Variants in CREB1 observed in about 807,000 individuals in gnomAD.
CREB1 encodes cyclic AMP-responsive element-binding protein 1.
In CREB1, 2 loss-of-function variants were observed where a neutral mutation model predicts 42.0. That is an observed-to-expected ratio of 0.05 (90% CI 0.02 to 0.15). CREB1 has a LOEUF of 0.15. Among genes scored for constraint, CREB1 ranks in the 10% least tolerant of loss-of-function variants. CREB1 has a pLI of 1.00. For missense variants in CREB1, 199 were observed against 388.9 expected (o/e 0.51, Z 4.11); for synonymous variants, 123 against 139.9 (o/e 0.88, Z 0.85).
At chr2:207,532,603 G>A (rs945424882) in intron 1 of CREB1, among the ~76,000 whole-genome samples, 1 of 151,596 alleles carries the variant, frequency 6.6e-6, no homozygotes, top group African/African-American at 2.4e-5. Context: ...AGCCCAGGAG[G>A]TGGAGATTGC....
intron 3 of CREB1, among the ~76,000 whole-genome samples, chr2:207,566,375 T>TA (rs1553580568): frequency 2.0e-5 from 3 of 152,244 alleles, no homozygotes; most frequent in Non-Finnish European, 2.9e-5. Flanking sequence ...GTATAATTCT[T>TA]ACTCTGACCG....
rs1031736618 is a variant in CREB1 at position 207,604,025 on chromosome 2, C to T, written c.*6967C>T. On this transcript the variant is annotated 3_prime_UTR_variant, in exon 8 of 8. Coordinates refer to ENST00000353267, the MANE Select transcript of CREB1 (RefSeq NM_004379.5). Reference sequence around the variant, plus strand: ...GAATTTCATTTATTTTCTGCAACAACGATTACAGAATTTATTGCACAAAAT... The same window carrying T: ...GAATTTCATTTATTTTCTGCAACAATGATTACAGAATTTATTGCACAAAAT... Among the ~76,000 whole-genome samples, 3 of 152,108 alleles carry T rather than the reference C, an allele frequency of 2.0e-5. No individual in the cohort carries two copies. The highest frequency in any genetic ancestry group is 2.1e-4 in the South Asian group (1 of 4,816).
chr2:207,560,481 T>G, intron 3 of CREB1, 109 bp downstream of exon 3: 3 of 1,066,568 alleles, frequency 2.8e-6, no homozygotes, highest in Non-Finnish European at 4.0e-6. Context: ...CAGTTTATTT[T>G]ATTCACAGTA....
chr2:207,585,982 C>T (rs988304958), intron 7 of CREB1, among the ~76,000 whole-genome samples: 5 of 152,040 alleles, frequency 3.3e-5, no homozygotes, highest in Admixed American at 2.6e-4. Flanking sequence ...CCTCCCATGT[C>T]TTGAGAGAGA....
chr2:207,549,516 G>A (rs537588395), intron 1 of CREB1, among the ~76,000 whole-genome samples: 2 of 152,244 alleles, frequency 1.3e-5, no homozygotes, highest in East Asian at 1.9e-4. Flanking sequence ...AAAATCTATC[G>A]TGTAGCACCT....
At chr2:207,539,353 T>C (rs1005334362) in intron 1 of CREB1, among the ~76,000 whole-genome samples, 1 of 151,932 alleles carries the variant, frequency 6.6e-6, no homozygotes, top group South Asian at 2.1e-4. Context: ...CTATTTGTAC[T>C]CTTAAAGGGG....
In CREB1 at chr2:207,542,930, G is replaced by A. The variant is rs576506824; in HGVS notation, c.-8-12698G>A. 2.0e-5 allele frequency among the ~76,000 whole-genome samples: 3 copies of A among 152,244 alleles called. No individual in the cohort carries two copies. In the East Asian group the frequency reaches 5.8e-4, roughly 29 times the overall value. ...GATGAAAGAAGCAAAGATGAAAATC[G>A]AGAAATAATTTTGAGTGAAACATTT... On this transcript the variant is annotated intron_variant, in intron 1 of 7. Transcript: ENST00000353267.
At position 207,581,811 on chromosome 2, in the gene CREB1, C is replaced by G. The variant is rs560750740; in HGVS notation, c.839+4156C>G. The G allele has an allele frequency of 4.3e-4, 301 of 700,122 alleles. 2 individuals carry two copies. The highest frequency in any genetic ancestry group is 4.0e-3 in the South Asian group (267 of 66,902). 43.4% of individuals were successfully genotyped at this position (700,122 alleles called of 1,614,324 possible). ...TTACTTACATAATCCAGTTTGGGTA[C>G]CATATCGCATTTAATTATAGTCTCC... On this transcript the variant is annotated intron_variant, in intron 7 of 7. Coordinates refer to ENST00000353267, the MANE Select transcript of CREB1 (RefSeq NM_004379.5).
intron 5 of CREB1, among the ~76,000 whole-genome samples, chr2:207,574,427 A>G (rs1240673699): frequency 6.6e-6 from 1 of 152,186 alleles, no homozygotes; most frequent in Non-Finnish European, 1.5e-5. Flanking sequence ...AAATCATCTA[A>G]TTTTTAAATT....
chr2:207,567,407 A>G, intron 3 of CREB1, 56 bp from the exon 4 acceptor site: 2 of 1,292,584 alleles, frequency 1.5e-6, no homozygotes, highest in Non-Finnish European at 2.2e-6. Flanking sequence ...TTGTTTAATA[A>G]AAATTTTACA....
rs573420917 is a variant in CREB1 at position 207,536,825 on chromosome 2, A to C, written c.-9+6691A>C. On this transcript the variant is annotated intron_variant, in intron 1 of 7. Coordinates refer to ENST00000353267, the MANE Select transcript of CREB1 (RefSeq NM_004379.5). ...GCCAAGATGGTGAAACCCCATCTCT[A>C]CTAAAAATAGAAGAATTATCTGGGT... Among the ~76,000 whole-genome samples, 16 of 151,886 alleles carry C rather than the reference A, an allele frequency of 1.1e-4. No homozygotes were observed. In the East Asian group the frequency reaches 2.8e-3, roughly 26 times the overall value.
At chr2:207,570,798 C>CA (rs2082323749) in intron 5 of CREB1, among the ~76,000 whole-genome samples, 1 of 152,074 alleles carries the variant, frequency 6.6e-6, no homozygotes, top group Admixed American at 6.5e-5. Flanking sequence ...TCAGCACATT[C>CA]AATTATTCCT....
At chr2:207,556,430 C>T (rs1006408879) in intron 2 of CREB1, among the ~76,000 whole-genome samples, 2 of 152,072 alleles carry the variant, frequency 1.3e-5, no homozygotes, top group South Asian at 2.1e-4. Context: ...AGTGTGATAC[C>T]GTCTCTTTCA....
At chr2:207,571,579 A>C (rs567070152) in intron 5 of CREB1, among the ~76,000 whole-genome samples, 1 of 152,302 alleles carries the variant, frequency 6.6e-6, no homozygotes, top group South Asian at 2.1e-4. Context: ...TTTCTTCTTA[A>C]GATCTTTGTG....
intron 7 of CREB1, among the ~76,000 whole-genome samples, chr2:207,593,598 A>G (rs958195695): frequency 1.3e-5 from 2 of 152,228 alleles, no homozygotes; most frequent in Admixed American, 1.3e-4. Flanking sequence ...GAAGACATCA[A>G]TGGAATTACA....
intron 1 of CREB1, among the ~76,000 whole-genome samples, chr2:207,545,468 A>G (rs1436119134): frequency 6.6e-6 from 1 of 152,076 alleles, no homozygotes; most frequent in Non-Finnish European, 1.5e-5. Context: ...TGGCCTCCCA[A>G]AGTGCTGGGA....
At chr2:207,544,117 C>T (rs1273177347) in intron 1 of CREB1, among the ~76,000 whole-genome samples, 1 of 151,972 alleles carries the variant, frequency 6.6e-6, no homozygotes, top group East Asian at 1.9e-4. Context: ...GACAGAGTTT[C>T]ACTGTGGTCT....
intron 1 of CREB1, among the ~76,000 whole-genome samples, chr2:207,547,236 CTT>C (rs2081333208): frequency 6.6e-6 from 1 of 152,146 alleles, no homozygotes; most frequent in African/African-American, 2.4e-5. Flanking sequence ...ACTTCATAAA[CTT>C]ATTTAAAAAA....
rs1441135956 is a variant in CREB1, at chr2:207,601,462, C to G, written c.*4404C>G. ...ACATCAGGAAATTAGATATGACTAG[C>G]CCAGTTAATTAAAAGACGGGCTCAA... is the stretch of plus-strand genomic sequence containing the variant. On this transcript the variant is annotated 3_prime_UTR_variant, in exon 8 of 8. Transcript: ENST00000353267. The G allele has an allele frequency of 1.0e-5, 2 of 191,818 alleles. No individual in the cohort carries two copies. The highest frequency in any genetic ancestry group is 2.2e-5 in the Non-Finnish European group (2 of 91,786). The allele number at this position is 191,818 out of a possible 1,614,324, so 11.9% of individuals were successfully genotyped here. A position where few individuals can be genotyped will look rare whatever the true frequency, so the allele number is the denominator to read the frequency against.
Sources: allele counts gnomAD v4.1 joint callset (sites outside exome capture counted in the v4.1 genomes callset), GRCh38; gene constraint gnomAD v4.1.1; transcripts MANE v1.5; gene names NCBI Gene and HGNC (gene_info 2026-07-23, HGNC 2026-07-21).